The following NRXN1 variants were observed in gnomAD, a reference collection of about 807,000 sequenced individuals.
The protein encoded by NRXN1 is neurexin 1.
A neutral mutation model predicts 150.9 loss-of-function variants in NRXN1; 39 were observed. That is an observed-to-expected ratio of 0.26 (90% CI 0.20 to 0.34). The LOEUF (loss-of-function observed/expected upper bound fraction) is 0.34, where lower values mean the gene tolerates loss of function less well. NRXN1 is among the 10% of genes least tolerant of loss of function. The probability of loss-of-function intolerance (pLI) is 1.00; values close to 1 mark genes in which losing one functional copy is unlikely to be tolerated. For synonymous variants in NRXN1, 924 were observed against 757.0 expected, an observed-to-expected ratio of 1.22 and a Z score of -3.62; for missense variants, 1,815 against 1,949.9, an observed-to-expected ratio of 0.93 and a Z score of 1.30.
intron 2 of NRXN1, among the ~76,000 whole-genome samples, chr2:50,945,073 T>A (rs1446487157): frequency 6.6e-6 from 1 of 152,208 alleles, no homozygotes; most frequent in Non-Finnish European, 1.5e-5. Flanking sequence ...CAAACTTTTC[T>A]ACAAAGGGCC....
At chr2:50,354,428 G>C (rs978922934) in intron 17 of NRXN1, among the ~76,000 whole-genome samples, 2 of 151,378 alleles carry the variant, frequency 1.3e-5, no homozygotes, top group Admixed American at 6.6e-5. Context: ...CTGTAAAAAA[G>C]GTTAATTGTA....
chr2:49,945,197 T>A (rs1395673462), intron 21 of NRXN1: 1 of 152,148 alleles, frequency 6.6e-6, no homozygotes, highest in Non-Finnish European at 1.5e-5. Flanking sequence ...ATTCATGCAT[T>A]TTGCTGCTGC....
intron 17 of NRXN1, among the ~76,000 whole-genome samples, chr2:50,263,709 C>T (rs2068548178): frequency 6.6e-6 from 1 of 152,046 alleles, no homozygotes; most frequent in African/African-American, 2.4e-5. Flanking sequence ...AACATTGGTT[C>T]AAGAAATCAG....
chr2:50,150,853 C>A (rs1420949348), intron 18 of NRXN1, among the ~76,000 whole-genome samples: 2 of 151,602 alleles, frequency 1.3e-5, no homozygotes, highest in Admixed American at 6.6e-5. Context: ...TCAAACTGGG[C>A]CAAACACAGT....
At chr2:50,922,605 C>G in intron 4 of NRXN1, 53 bp downstream of exon 4, 1 of 1,586,550 alleles carries the variant, frequency 6.3e-7, no homozygotes, top group Non-Finnish European at 8.6e-7. Flanking sequence ...TTGAAAGCAG[C>G]TACAGAACAA....
chr2:51,002,591 T>A (rs1006935583), intron 2 of NRXN1, among the ~76,000 whole-genome samples: 5 of 151,918 alleles, frequency 3.3e-5, no homozygotes, highest in African/African-American at 1.2e-4. Context: ...TCTATGTACC[T>A]AGGAAGGAAG....
intron 5 of NRXN1, among the ~76,000 whole-genome samples, chr2:50,813,419 T>G (rs1025414239): frequency 2.0e-5 from 3 of 152,154 alleles, no homozygotes; most frequent in African/African-American, 7.2e-5. Context: ...CTTCCTTTGG[T>G]TTTATTAGTA....
At chr2:50,870,149 T>A (rs2106091842) in intron 5 of NRXN1, among the ~76,000 whole-genome samples, 1 of 152,028 alleles carries the variant, frequency 6.6e-6, no homozygotes, top group African/African-American at 2.4e-5. Flanking sequence ...ATATGTGAAA[T>A]TTGGAGACAA....
chr2:50,174,205 A>G (rs1277609678), intron 18 of NRXN1, among the ~76,000 whole-genome samples: 5 of 152,270 alleles, frequency 3.3e-5, no homozygotes, highest in African/African-American at 1.2e-4. Context: ...AATACAAAAA[A>G]GAGACAAAAT....
intron 18 of NRXN1, among the ~76,000 whole-genome samples, chr2:50,149,509 A>G (rs952736992): frequency 1.3e-5 from 2 of 151,740 alleles, no homozygotes; most frequent in East Asian, 3.9e-4. Flanking sequence ...CAATGTGACT[A>G]TGATGGAAGC....
At chr2:50,865,932 C>T (rs758415994) in intron 5 of NRXN1, among the ~76,000 whole-genome samples, 7 of 151,224 alleles carry the variant, frequency 4.6e-5, no homozygotes, top group African/African-American at 1.5e-4. Context: ...AAGTCTCAGA[C>T]CTTGGAGAAC....
intron 5 of NRXN1, among the ~76,000 whole-genome samples, chr2:50,775,173 A>AATCT: frequency 6.6e-6 from 1 of 152,262 alleles, no homozygotes; most frequent in African/African-American, 2.4e-5. Flanking sequence ...CCTGCATTTC[A>AATCT]ATCTCCATCC....
At chr2:50,318,186 C>T (rs2075758970) in intron 17 of NRXN1, among the ~76,000 whole-genome samples, 1 of 151,884 alleles carries the variant, frequency 6.6e-6, no homozygotes, top group Admixed American at 6.6e-5. Context: ...AGGGGAAACA[C>T]AAATAACCCA....
intron 8 of NRXN1, among the ~76,000 whole-genome samples, chr2:50,601,713 C>A (rs989401887): frequency 6.6e-6 from 1 of 152,130 alleles, no homozygotes; most frequent in African/African-American, 2.4e-5. Context: ...TAGAGTTGAC[C>A]TGAAGGATTT....
At chr2:50,150,251 T>C (rs925311208) in intron 18 of NRXN1, among the ~76,000 whole-genome samples, 3 of 151,774 alleles carry the variant, frequency 2.0e-5, no homozygotes, top group Non-Finnish European at 2.9e-5. Flanking sequence ...TGGATGGATT[T>C]TGGCATGCAG....
chr2:50,758,960 G>A (rs1307163927), intron 5 of NRXN1, among the ~76,000 whole-genome samples: 1 of 151,842 alleles, frequency 6.6e-6, no homozygotes, highest in Non-Finnish European at 1.5e-5. Context: ...TGTGGCCCAA[G>A]GGAATGTATC....
intron 8 of NRXN1, among the ~76,000 whole-genome samples, chr2:50,593,605 T>C (rs1573699577): frequency 6.6e-6 from 1 of 152,216 alleles, no homozygotes; most frequent in Non-Finnish European, 1.5e-5. Context: ...TCCCTGCAGT[T>C]AGTGTTCTTA....
chr2:50,518,156 T>C (rs2105097959), intron 12 of NRXN1, among the ~76,000 whole-genome samples: 1 of 152,164 alleles, frequency 6.6e-6, no homozygotes. Context: ...AAGAAGAGAA[T>C]TACATTTACA....
intron 5 of NRXN1, among the ~76,000 whole-genome samples, chr2:50,773,314 T>G (rs911512232): frequency 3.3e-5 from 5 of 152,166 alleles, no homozygotes; most frequent in Non-Finnish European, 7.3e-5. Context: ...TTCTGTTTTG[T>G]TTGTTAATTT....
Sources: gnomAD v4.1 joint callset for allele counts (sites outside exome capture counted in the v4.1 genomes callset) on GRCh38, gnomAD v4.1.1 for gene constraint, MANE v1.5 for transcripts, NCBI Gene and HGNC (gene_info 2026-07-23, HGNC 2026-07-21) for gene names.